AP3D1: variants seen among roughly 807,000 people sequenced by gnomAD.
AP3D1 encodes the protein adaptor related protein complex 3 subunit delta 1.
In AP3D1, 51 loss-of-function variants were observed where a neutral mutation model predicts 147.6. That is an observed-to-expected ratio of 0.35 (90% CI 0.28 to 0.44). The LOEUF (loss-of-function observed/expected upper bound fraction) is 0.44, where lower values mean the gene tolerates loss of function less well. Ranked by LOEUF, AP3D1 falls within the 20% of genes least tolerant of loss-of-function variation. The pLI is 1.00. For synonymous variants in AP3D1, 760 were observed against 663.0 expected, an observed-to-expected ratio of 1.15 and a Z score of -2.25; for missense variants, 1,421 against 1,624.2, an observed-to-expected ratio of 0.87 and a Z score of 2.15.
chr19:2,117,328 G>A lies in AP3D1; in HGVS notation c.1753C>T (p.Leu585Phe). ...ILQLVKHIQK[L>F]QAKDVPVAEE... ...GCCACAGGCACGTCCTTGGCCTGAA[G>A]CTTCTGGATGTGCTTGACCAGCTGC... The change falls in exon 16 of 32, where the codon CTT (leucine) becomes TTT (phenylalanine). Residue 585 changes from leucine to phenylalanine, a missense_variant. This residue lies in a region of AP3D1 where 310 missense variants were observed against 388.1 expected (regional missense o/e 0.80). Transcript: ENST00000643116. The A allele has an allele frequency of 6.2e-7, 1 of 1,611,878 alleles. No homozygotes were observed. Among genetic ancestry groups the A allele is most frequent in the Non-Finnish European group, 8.5e-7 (1 of 1,179,462 alleles).
At chr19:2,109,454 C>G (rs2018202442) in intron 29 of AP3D1, 1 of 527,840 alleles carries the variant, frequency 1.9e-6, no homozygotes, top group African/African-American at 1.9e-5. Flanking sequence ...GATGGGCCCT[C>G]CTCCGACAAG....
At chr19:2,151,206 A>G (rs1188175245) in intron 1 of AP3D1, 33 bp downstream of exon 1, 1 of 1,590,598 alleles carries the variant, frequency 6.3e-7, no homozygotes, top group African/African-American at 1.4e-5. Context: ...GGCTGTGACC[A>G]GGCCGAGCAG....
At chr19:2,139,567 C>T (rs1203448276) in intron 1 of AP3D1, among the ~76,000 whole-genome samples, 1 of 152,172 alleles carries the variant, frequency 6.6e-6, no homozygotes, top group African/African-American at 2.4e-5. Context: ...AGAGACAAGC[C>T]GAGTCGATGC....
At chr19:2,118,540 T>C (rs2018520641) in intron 15 of AP3D1, 61 bp downstream of exon 15, 5 of 1,515,216 alleles carry the variant, frequency 3.3e-6, no homozygotes, top group Admixed American at 1.8e-5. Context: ...TGGCCGCCAC[T>C]GGACAGAAAG....
intron 1 of AP3D1, 121 bp downstream of exon 1, chr19:2,151,118 G>A (rs2019496829): frequency 5.5e-6 from 5 of 913,894 alleles, no homozygotes; most frequent in Non-Finnish European, 8.0e-6. Flanking sequence ...AGCCCTAAGC[G>A]GGACCTCCAA....
chr19:2,110,358 A>AGG, intron 27 of AP3D1, 134 bp from the exon 28 acceptor site: 1 of 757,888 alleles, frequency 1.3e-6, no homozygotes, highest in Non-Finnish European at 2.2e-6. Context: ...AGGGAGCACC[A>AGG]GGGGACAGGA....
At chr19:2,126,931 GC>G (rs2018773805) in intron 9 of AP3D1, among the ~76,000 whole-genome samples, 1 of 152,148 alleles carries the variant, frequency 6.6e-6, no homozygotes, top group South Asian at 2.1e-4. Context: ...CAAACACCCA[GC>G]ACCAATGGCG....
chr19:2,163,159 T>C (rs925874760), intron 1 of AP3D1, among the ~76,000 whole-genome samples: 5 of 152,156 alleles, frequency 3.3e-5, no homozygotes, highest in African/African-American at 1.2e-4. Context: ...CTGCAACCTC[T>C]GCCTCCTGGG....
Position 2,116,710 on chromosome 19 carries a change from C to G in AP3D1, c.1896G>C (p.Ser632=), listed in dbSNP as rs377692892. The G allele has an allele frequency of 4.3e-6, 7 of 1,611,822 alleles. No individual in the cohort carries two copies. Among genetic ancestry groups the G allele is most frequent in the Non-Finnish European group, 5.1e-6 (6 of 1,179,234 alleles). ...DLDAWINEPL[S]DSESEDERPR... The stretch of plus-strand genomic sequence containing the variant: ...GCCTCTCGTCCTCTGACTCGCTGTC[C>G]GAGAGTGGCTCATTGATCCAGGCGT... The change falls in exon 17 of 32, where the codon TCG becomes TCC. Residue 632 remains serine, a synonymous_variant. Transcript: ENST00000643116.
At chr19:2,145,749 G>C (rs1255199323) in intron 1 of AP3D1, among the ~76,000 whole-genome samples, 1 of 152,104 alleles carries the variant, frequency 6.6e-6, no homozygotes, top group African/African-American at 2.4e-5. Context: ...CCTCGGCCTT[G>C]AAGCCACCTC....
intron 26 of AP3D1, 139 bp from the exon 27 acceptor site, chr19:2,111,035 G>A (rs2018260268): frequency 1.1e-5 from 11 of 1,029,270 alleles, no homozygotes; most frequent in South Asian, 8.1e-5. Context: ...CCCCCTAGCC[G>A]CAGGCCAAGC....
At chr19:2,140,054 C>T (rs1038133562) in intron 1 of AP3D1, among the ~76,000 whole-genome samples, 4 of 151,868 alleles carry the variant, frequency 2.6e-5, no homozygotes, top group African/African-American at 9.7e-5. Context: ...CCACCCGATC[C>T]TCCAGACGGG....
intron 1 of AP3D1, among the ~76,000 whole-genome samples, chr19:2,143,965 A>T (rs868364409): frequency 6.6e-6 from 1 of 151,996 alleles, no homozygotes; most frequent in Non-Finnish European, 1.5e-5. Flanking sequence ...TCGCACCTGT[A>T]ATCCCAGCTA....
chr19:2,159,983 T>C (rs967779378), intron 1 of AP3D1, among the ~76,000 whole-genome samples: 2 of 152,130 alleles, frequency 1.3e-5, no homozygotes, highest in African/African-American at 2.4e-5. Flanking sequence ...CCCAAAGTGC[T>C]GGGATTGCAG....
chr19:2,141,748 T>C (rs906160966), intron 1 of AP3D1, among the ~76,000 whole-genome samples: 4 of 151,520 alleles, frequency 2.6e-5, no homozygotes, highest in Admixed American at 2.6e-4. Context: ...CCTTTTTTTT[T>C]TCTTTTATTG....
At chr19:2,115,708 A>AC in intron 18 of AP3D1, 95 bp from the exon 19 acceptor site, 1 of 1,319,328 alleles carries the variant, frequency 7.6e-7, no homozygotes, top group South Asian at 1.3e-5. Flanking sequence ...CGCAGCCCCA[A>AC]CATCCTAAGG....
chr19:2,135,699 C>G (rs1414150346), intron 4 of AP3D1, among the ~76,000 whole-genome samples: 1 of 152,206 alleles, frequency 6.6e-6, no homozygotes, highest in African/African-American at 2.4e-5. Flanking sequence ...GCCCGACACA[C>G]AGGGTCTAAC....
At chr19:2,114,691 G>C in intron 21 of AP3D1, 57 bp downstream of exon 21, 1 of 1,494,936 alleles carries the variant, frequency 6.7e-7, no homozygotes, top group South Asian at 1.1e-5. Flanking sequence ...GAGGACGAGA[G>C]GAAGGGAAGC....
chr19:2,123,811 C>T lies in AP3D1; in HGVS notation c.906+19G>A, dbSNP rs1039926724. 7.7e-6 allele frequency: 12 copies of T among 1,560,720 alleles called. 1 individual carries two copies. Among genetic ancestry groups the T allele is most frequent in the African/African-American group, 2.7e-5 (2 of 73,474 alleles). The stretch of plus-strand genomic sequence containing the variant: ...CTGCAGTGTGGGACCCCATGGGCCC[C>T]GCCCAGTGCGGGACGTACCTGGATG... On this transcript the variant is annotated intron_variant, in intron 10 of 31. Coordinates refer to ENST00000643116, the MANE Select transcript of AP3D1 (RefSeq NM_001261826.3).
Sources: gnomAD v4.1 joint callset for allele counts (sites outside exome capture counted in the v4.1 genomes callset) on GRCh38, gnomAD v4.1.1 for gene constraint, gnomAD v4.1.1 regional missense constraint, MANE v1.5 for transcripts, NCBI Gene and HGNC (gene_info 2026-07-23, HGNC 2026-07-21) for gene names.